THSD7B: variants seen among roughly 807,000 people sequenced by gnomAD.
The protein encoded by THSD7B is thrombospondin type-1 domain-containing protein 7B.
A neutral mutation model predicts 213.6 loss-of-function variants in THSD7B; 138 were observed. The ratio of observed to expected loss-of-function variants is 0.65; its 90% confidence interval spans 0.56 to 0.74. The LOEUF is 0.74. Ranked by LOEUF, THSD7B falls within the 30% of genes least tolerant of loss-of-function variation. THSD7B has a pLI of 0.00. For synonymous variants in THSD7B, 742 were observed against 687.0 expected, an observed-to-expected ratio of 1.08 and a Z score of -1.25; for missense variants, 1,931 against 1,991.5, an observed-to-expected ratio of 0.97 and a Z score of 0.58.
chr2:137,098,011 G>A (rs1688072282), intron 4 of THSD7B, among the ~76,000 whole-genome samples: 1 of 152,120 alleles, frequency 6.6e-6, no homozygotes, highest in African/African-American at 2.4e-5. Context: ...CCATGGGAAA[G>A]CATAGAGGCT....
intron 2 of THSD7B, among the ~76,000 whole-genome samples, chr2:136,926,490 T>A (rs1479338351): frequency 6.6e-6 from 1 of 151,996 alleles, no homozygotes; most frequent in Non-Finnish European, 1.5e-5. Flanking sequence ...TCCAGGATTT[T>A]GAGACCAGTC....
intron 2 of THSD7B, among the ~76,000 whole-genome samples, chr2:136,890,899 TTCCTTCTG>T (rs1683842764): frequency 6.6e-6 from 1 of 152,014 alleles, no homozygotes; most frequent in African/African-American, 2.4e-5. Context: ...GTTGTGTGAA[TTCCTTCTG>T]AAACTCCTTA....
chr2:137,472,440 A>G (rs1688110892), intron 15 of THSD7B, among the ~76,000 whole-genome samples: 1 of 152,226 alleles, frequency 6.6e-6, no homozygotes. Context: ...TATTTAAAAT[A>G]GTTAAAACTA....
intron 2 of THSD7B, among the ~76,000 whole-genome samples, chr2:137,013,826 T>C (rs1046335487): frequency 3.3e-5 from 5 of 152,194 alleles, no homozygotes; most frequent in Admixed American, 6.5e-5. Flanking sequence ...TTCCTAGGAA[T>C]TAGAAATTAA....
At chr2:137,352,218 A>G (rs1685030584) in intron 12 of THSD7B, among the ~76,000 whole-genome samples, 4 of 151,950 alleles carry the variant, frequency 2.6e-5, no homozygotes, top group Admixed American at 2.6e-4. Flanking sequence ...TCATGTAATT[A>G]TAAATGAAGG....
At chr2:137,645,273 T>G (rs1683009751) in intron 21 of THSD7B, among the ~76,000 whole-genome samples, 1 of 152,234 alleles carries the variant, frequency 6.6e-6, no homozygotes, top group Non-Finnish European at 1.5e-5. Flanking sequence ...ACTATGATTA[T>G]GATTATAAGC....
At chr2:137,382,202 A>G (rs999919150) in intron 12 of THSD7B, among the ~76,000 whole-genome samples, 3 of 152,162 alleles carry the variant, frequency 2.0e-5, no homozygotes, top group Non-Finnish European at 4.4e-5. Context: ...GGGTTGCCTC[A>G]GTGCTATATG....
At chr2:137,578,991 G>A (rs1681520743) in intron 17 of THSD7B, among the ~76,000 whole-genome samples, 1 of 152,146 alleles carries the variant, frequency 6.6e-6, no homozygotes, top group African/African-American at 2.4e-5. Context: ...AGAAATAATA[G>A]CTCAAATTAT....
intron 7 of THSD7B, among the ~76,000 whole-genome samples, chr2:137,225,297 G>T (rs745558606): frequency 2.0e-5 from 3 of 152,136 alleles, no homozygotes; most frequent in Non-Finnish European, 4.4e-5. Flanking sequence ...TCCACCCCAT[G>T]CCATGATGCA....
chr2:137,404,353 C>A (rs552213484), intron 12 of THSD7B, among the ~76,000 whole-genome samples: 1 of 148,058 alleles, frequency 6.8e-6, no homozygotes, highest in Non-Finnish European at 1.5e-5. Flanking sequence ...ATGTTTATAG[C>A]AGCACAAGTC....
chr2:137,192,222 A>G (rs1378037516), intron 7 of THSD7B, among the ~76,000 whole-genome samples: 2 of 152,158 alleles, frequency 1.3e-5, no homozygotes, highest in South Asian at 2.1e-4. Flanking sequence ...ATACTAATAA[A>G]CAGCATGTTT....
intron 6 of THSD7B, among the ~76,000 whole-genome samples, chr2:137,166,428 C>CT (rs1680131294): frequency 1.3e-5 from 2 of 152,074 alleles, no homozygotes; most frequent in Non-Finnish European, 2.9e-5. Flanking sequence ...CATCCTTATC[C>CT]TTTTCAGACA....
intron 10 of THSD7B, among the ~76,000 whole-genome samples, chr2:137,259,401 C>T (rs1682387736): frequency 6.6e-6 from 1 of 152,162 alleles, no homozygotes; most frequent in African/African-American, 2.4e-5. Flanking sequence ...GGTGACATCT[C>T]ATTGTGGTTT....
At chr2:136,923,726 T>A (rs1261825715) in intron 2 of THSD7B, among the ~76,000 whole-genome samples, 1 of 152,244 alleles carries the variant, frequency 6.6e-6, no homozygotes, top group Non-Finnish European at 1.5e-5. Flanking sequence ...TATGTTTTCC[T>A]GTGTTTGTTG....
rs147887766 is a variant in THSD7B, at chr2:137,267,836, G to T, written c.2267-4697G>T. 1.4e-3 allele frequency among the ~76,000 whole-genome samples: 217 copies of T among 152,288 alleles called. 1 individual carries two copies. Among genetic ancestry groups the T allele is most frequent in the African/African-American group, 5.1e-3 (212 of 41,564 alleles). On this transcript the variant is annotated intron_variant, in intron 10 of 27. Coordinates refer to ENST00000409968, the MANE Select transcript of THSD7B (RefSeq NM_001316349.2). ...ATAGGTGATCTAAATGTAGTCCAGT[G>T]GCAAAGCCACTATCCTCCCCTCTCT...
At position 136,931,875 on chromosome 2, in the gene THSD7B, C is replaced by T. The variant is rs576134879; in HGVS notation, c.139+49558C>T. 2.4e-4 allele frequency among the ~76,000 whole-genome samples: 36 copies of T among 152,168 alleles called. No individual in the cohort carries two copies. The South Asian group carries it at 7.5e-3, about 32-fold the overall frequency. Reference sequence around the variant, plus strand: ...CAGAGGTTTTAATAGATGGAGAAAACAATTTTAGATATTTCAAATAACATT... The same window carrying T: ...CAGAGGTTTTAATAGATGGAGAAAATAATTTTAGATATTTCAAATAACATT... On this transcript the variant is annotated intron_variant, in intron 2 of 27. Coordinates refer to ENST00000409968, the MANE Select transcript of THSD7B (RefSeq NM_001316349.2).
At chr2:136,803,717 T>G (rs1369001800) in intron 1 of THSD7B, among the ~76,000 whole-genome samples, 1 of 152,218 alleles carries the variant, frequency 6.6e-6, no homozygotes, top group East Asian at 1.9e-4. Context: ...ATTTGCCATC[T>G]TCACGCTGAA....
At chr2:136,940,058 T>G (rs1684795192) in intron 2 of THSD7B, among the ~76,000 whole-genome samples, 1 of 152,118 alleles carries the variant, frequency 6.6e-6, no homozygotes, top group African/African-American at 2.4e-5. Flanking sequence ...TAAGTTTGGT[T>G]TTTTATCTTT....
chr2:137,068,001 C>T (rs1687412791), intron 3 of THSD7B, among the ~76,000 whole-genome samples: 1 of 152,016 alleles, frequency 6.6e-6, no homozygotes, highest in Non-Finnish European at 1.5e-5. Context: ...AGTTGTCAAT[C>T]ATAGTTTAAG....
Sources: gnomAD v4.1 joint callset for allele counts (sites outside exome capture counted in the v4.1 genomes callset) on GRCh38, gnomAD v4.1.1 for gene constraint, MANE v1.5 for transcripts, NCBI Gene and HGNC (gene_info 2026-07-23, HGNC 2026-07-21) for gene names.